Variants in PRIM2 observed in about 807,000 individuals in gnomAD.
The protein encoded by PRIM2 is DNA primase large subunit.
Under a neutral mutation model 67.3 loss-of-function variants are expected in PRIM2, and 39 were observed. The observed-to-expected ratio is 0.58, with a 90% confidence interval of 0.45 to 0.76. The LOEUF is 0.76. Among genes scored for constraint, PRIM2 ranks in the 30% least tolerant of loss-of-function variants. The pLI, the probability that PRIM2 is intolerant of heterozygous loss-of-function variation, is 0.00. For missense variants in PRIM2, 398 were observed against 598.7 expected, an observed-to-expected ratio of 0.66 and a Z score of 3.50; for synonymous variants, 143 against 198.7, an observed-to-expected ratio of 0.72 and a Z score of 2.36.
intron 10 of PRIM2, among the ~76,000 whole-genome samples, chr6:57,567,093 A>C (rs1364123011): frequency 6.6e-6 from 1 of 152,168 alleles, no homozygotes; most frequent in East Asian, 1.9e-4. Flanking sequence ...TCCCATGGCT[A>C]TACCTTTACT....
the PRIM2 span, among the ~76,000 whole-genome samples, chr6:57,241,350 A>C: frequency 2.6e-5 from 4 of 152,138 alleles, no homozygotes; most frequent in Admixed American, 2.6e-4. Flanking sequence ...TTGAGATTAC[A>C]GTGAGCTATG....
upstream of PRIM2, among the ~76,000 whole-genome samples, chr6:57,316,429 C>G (rs1372984209): frequency 6.6e-6 from 1 of 151,860 alleles, no homozygotes; most frequent in Non-Finnish European, 1.5e-5. Context: ...GGTGGTGGGT[C>G]GGGGGGAATA....
chr6:57,634,501 C>A (rs1329691395), intron 13 of PRIM2, among the ~76,000 whole-genome samples: 1 of 152,264 alleles, frequency 6.6e-6, no homozygotes, highest in African/African-American at 2.4e-5. Flanking sequence ...TTATATGACT[C>A]GCTCTCTCGG....
intron 5 of PRIM2, among the ~76,000 whole-genome samples, chr6:57,327,918 C>G (rs1431543662): frequency 6.6e-6 from 1 of 152,124 alleles, no homozygotes; most frequent in South Asian, 2.1e-4. Flanking sequence ...ACAGATCCAC[C>G]TCAGATCATC....
At chr6:57,222,061 C>G in the PRIM2 span, 12 of 152,580 alleles carry the variant, frequency 7.9e-5, no homozygotes, top group East Asian at 2.1e-3. Context: ...CCGGCGCCAC[C>G]GGCTCCTCCT....
chr6:57,367,895 C>T (rs1769416807), intron 5 of PRIM2, among the ~76,000 whole-genome samples: 1 of 152,296 alleles, frequency 6.6e-6, no homozygotes, highest in East Asian at 1.9e-4. Context: ...TAGTCACAGG[C>T]CAGGCCAGAT....
chr6:57,575,726 T>G (rs1340345031), intron 10 of PRIM2, among the ~76,000 whole-genome samples: 37 of 152,340 alleles, frequency 2.4e-4, no homozygotes, highest in African/African-American at 7.5e-4. Flanking sequence ...ATTAAGGTAC[T>G]ACAGACTTCA....
intron 5 of PRIM2, among the ~76,000 whole-genome samples, chr6:57,339,977 C>G (rs1277110421): frequency 1.3e-5 from 2 of 151,460 alleles, no homozygotes; most frequent in East Asian, 1.9e-4. Context: ...GGCTAATATC[C>G]AGAATCTACA....
At chr6:57,551,176 A>G (rs1362838777) in intron 10 of PRIM2, among the ~76,000 whole-genome samples, 25 of 152,196 alleles carry the variant, frequency 1.6e-4, no homozygotes, top group Non-Finnish European at 2.9e-4. Context: ...TACTCTTTAT[A>G]GTAAGAGAAT....
chr6:57,550,712 A>G lies in PRIM2; in HGVS notation c.1020+13087A>G, dbSNP rs1159407477. Among the ~76,000 whole-genome samples, 142 of 152,338 alleles carry G rather than the reference A, an allele frequency of 9.3e-4. 2 individuals are homozygous for G. Among genetic ancestry groups the G allele is most frequent in the South Asian group, 9.1e-3 (44 of 4,820 alleles). Reference sequence around the variant, plus strand: ...AAAAAATAAAATGACATTTTATTCAACATTTTAAAAGGTGGGTCAAATTTT... The same window carrying G: ...AAAAAATAAAATGACATTTTATTCAGCATTTTAAAAGGTGGGTCAAATTTT... On this transcript the variant is annotated intron_variant, in intron 10 of 13. Coordinates refer to ENST00000615550, the MANE Select transcript of PRIM2 (RefSeq NM_000947.5).
At chr6:57,234,619 GTTCAAGCGA>G in the PRIM2 span, among the ~76,000 whole-genome samples, 19,193 of 152,092 alleles carry the variant, frequency 0.13, 1,251 homozygotes, top group Middle Eastern at 0.22. Context: ...CGCCTCCCAG[GTTCAAGCGA>G]TTCTCTTGCC....
chr6:57,382,100 G>A lies in PRIM2; in HGVS notation c.625G>A (p.Val209Ile), dbSNP rs202136168. ...KVYLEDGFAYVPLKDIVAIIL... is the reference protein window; with the variant it reads ...KVYLEDGFAYIPLKDIVAIIL... ...CTATTTGGAAGATGGCTTTGCTTAC[G>A]TACCACTTAAGGACATTGTGGCAAT... Residue 209 changes from valine (V) to isoleucine (I), a missense_variant, in exon 7 of 14, where the codon GTA becomes ATA. Around this residue, in one of 4 missense-constraint regions of PRIM2, gnomAD observed 229 missense variants for 383.6 expected, o/e 0.60. Transcript: ENST00000615550. The A allele has an allele frequency of 3.5e-5, 56 of 1,613,220 alleles. No homozygotes were observed. Among genetic ancestry groups the A allele is most frequent in the Middle Eastern group, 1.7e-4 (1 of 6,056 alleles).
the PRIM2 span, among the ~76,000 whole-genome samples, chr6:57,231,565 CATGAGT>C: frequency 6.6e-6 from 1 of 152,150 alleles, no homozygotes; most frequent in African/African-American, 2.4e-5. Context: ...AGCCTATTGA[CATGAGT>C]ATATTTAATA....
At chr6:57,228,006 T>C in the PRIM2 span, among the ~76,000 whole-genome samples, 2 of 152,220 alleles carry the variant, frequency 1.3e-5, no homozygotes, top group African/African-American at 4.8e-5. Flanking sequence ...CTTAAAGTTA[T>C]TTTGCAACCA....
intron 7 of PRIM2, among the ~76,000 whole-genome samples, chr6:57,488,884 C>T (rs1429632556): frequency 1.3e-5 from 2 of 152,188 alleles, no homozygotes; most frequent in South Asian, 2.1e-4. Flanking sequence ...CCTGTTCTCT[C>T]CTTGCCAGAT....
chr6:57,326,528 T>G (rs954860106), intron 5 of PRIM2, among the ~76,000 whole-genome samples: 10 of 152,074 alleles, frequency 6.6e-5, no homozygotes, highest in African/African-American at 2.4e-4. Flanking sequence ...CGAGACCATC[T>G]TGACCAACAT....
intron 8 of PRIM2, among the ~76,000 whole-genome samples, chr6:57,528,004 T>C (rs1259770493): frequency 6.6e-6 from 1 of 151,986 alleles, no homozygotes; most frequent in Non-Finnish European, 1.5e-5. Context: ...CAATCCCTCA[T>C]CCAGGCTGGA....
At chr6:57,373,178 C>A (rs1769623368) in intron 5 of PRIM2, among the ~76,000 whole-genome samples, 1 of 151,862 alleles carries the variant, frequency 6.6e-6, no homozygotes. Context: ...GATGGTACCT[C>A]ATTGTGGTTT....
At chr6:57,353,628 A>G (rs1768928072) in intron 5 of PRIM2, among the ~76,000 whole-genome samples, 1 of 152,216 alleles carries the variant, frequency 6.6e-6, no homozygotes, top group Admixed American at 6.5e-5. Context: ...GAGATGATTT[A>G]TTTGAACTTT....
Sources: allele counts gnomAD v4.1 joint callset (sites outside exome capture counted in the v4.1 genomes callset), GRCh38; gene constraint gnomAD v4.1.1; regional missense constraint gnomAD v4.1.1; transcripts MANE v1.5; gene names NCBI Gene and HGNC (gene_info 2026-07-23, HGNC 2026-07-21).